MTHFD2: variants seen among roughly 807,000 people sequenced by gnomAD.
The protein encoded by MTHFD2 is bifunctional methylenetetrahydrofolate dehydrogenase/cyclohydrolase, mitochondrial.
A neutral mutation model predicts 36.8 loss-of-function variants in MTHFD2; 26 were observed. The ratio of observed to expected loss-of-function variants is 0.71; its 90% CI spans 0.52 to 0.98. The LOEUF (loss-of-function observed/expected upper bound fraction) is 0.98. Ranked by LOEUF, MTHFD2 falls within the 50% of genes least tolerant of loss-of-function variation. The pLI, the probability that MTHFD2 is intolerant of heterozygous loss-of-function variation, is 0.00. For synonymous variants in MTHFD2, 164 were observed against 155.2 expected (o/e 1.06, Z -0.42); for missense variants, 373 against 434.0 (o/e 0.86, Z 1.25).
chr2:74,209,355 G>A (rs1694254627), intron 4 of MTHFD2, among the ~76,000 whole-genome samples: 1 of 151,598 alleles, frequency 6.6e-6, no homozygotes, highest in Middle Eastern at 3.2e-3. Context: ...CCATTCTCCT[G>A]CCTCAGCCTC....
intron 1 of MTHFD2, among the ~76,000 whole-genome samples, chr2:74,200,150 T>C (rs1460324947): frequency 6.6e-6 from 1 of 152,214 alleles, no homozygotes; most frequent in Non-Finnish European, 1.5e-5. Context: ...TTCCCTGGTC[T>C]GACTCTTGAC....
chr2:74,214,106 CT>C lies in MTHFD2; in HGVS notation c.918del (p.Pro307GlnfsTer9). The stretch of plus-strand genomic sequence containing the variant: ...GTCAGACAAAAAGCTGGGTATATCA[CT>C]CCAGTTCCTGGAGGTGTTGGCCCCA... ...EGVRQKAGYI[T>X]PVPGGVGPMT... On this transcript the variant is annotated frameshift_variant, in exon 8 of 8. Coordinates refer to ENST00000394053, the MANE Select transcript of MTHFD2 (RefSeq NM_006636.4). LOFTEE classifies it high-confidence loss of function. The C allele has an allele frequency of 6.2e-7, 1 of 1,614,092 alleles. No individual in the cohort carries two copies. The highest frequency in any genetic ancestry group is 8.5e-7 in the Non-Finnish European group (1 of 1,179,956).
intron 5 of MTHFD2, among the ~76,000 whole-genome samples, 175 bp downstream of exon 5, chr2:74,210,224 T>C (rs542157106): frequency 1.3e-5 from 2 of 152,378 alleles, no homozygotes; most frequent in South Asian, 4.1e-4. Flanking sequence ...CAGTGTCACC[T>C]GAGTTTCTTT....
Position 74,214,249 on chromosome 2 carries a change from T to C in MTHFD2, c.*7T>C, listed in dbSNP as rs758490956. 2.5e-6 allele frequency: 4 copies of C among 1,612,954 alleles called. No homozygotes were observed. Among genetic ancestry groups the C allele is most frequent in the South Asian group, 2.2e-5 (2 of 90,918 alleles). On this transcript the variant is annotated 3_prime_UTR_variant, in exon 8 of 8. Transcript: ENST00000394053. Reference sequence around the variant, plus strand: ...TGGGGTAGCCACTAATTAACTACTGTGTCTTCTGTGTCACAAACAGCACTC... The same window carrying C: ...TGGGGTAGCCACTAATTAACTACTGCGTCTTCTGTGTCACAAACAGCACTC...
intron 7 of MTHFD2, among the ~76,000 whole-genome samples, chr2:74,213,359 CTCT>C: frequency 7.1e-6 from 1 of 140,370 alleles, no homozygotes; most frequent in South Asian, 2.2e-4. Flanking sequence ...TTACTGCAAC[CTCT>C]GCCTCCTGGG....
chr2:74,203,317 A>T (rs1694084635), intron 1 of MTHFD2, among the ~76,000 whole-genome samples: 1 of 152,210 alleles, frequency 6.6e-6, no homozygotes, highest in Non-Finnish European at 1.5e-5. Context: ...GATTATAATA[A>T]TTTAATACTT....
At chr2:74,209,041 T>G (rs1377115945) in intron 4 of MTHFD2, among the ~76,000 whole-genome samples, 3 of 149,144 alleles carry the variant, frequency 2.0e-5, no homozygotes, top group African/African-American at 7.4e-5. Flanking sequence ...GCCCAGCTAA[T>G]TTTTTTATTT....
Position 74,198,674 on chromosome 2 carries a change from T to G in MTHFD2, c.33T>G (p.Ala11=). Residue 11 remains alanine, a synonymous_variant, in exon 1 of 8, where the codon GCT becomes GCG. Transcript: ENST00000394053. ...CGACTTCTCTAATGTCTGCTTTGGC[T>G]GCCCGGCTGCTGCAGCCCGCGCACA... MAATSLMSAL[A]ARLLQPAHSC... The G allele has an allele frequency of 6.2e-7, 1 of 1,611,390 alleles. No homozygotes were observed. Among genetic ancestry groups the G allele is most frequent in the Non-Finnish European group, 8.5e-7 (1 of 1,179,058 alleles).
chr2:74,208,545 C>CAA, intron 3 of MTHFD2, 24 bp from the exon 4 acceptor site: 1 of 1,610,886 alleles, frequency 6.2e-7, no homozygotes, highest in Non-Finnish European at 8.5e-7. Context: ...TGATTTAAGG[C>CAA]AACTGTGCCA....
chr2:74,214,317 A>G lies in MTHFD2; in HGVS notation c.*75A>G. On this transcript the variant is annotated 3_prime_UTR_variant, in exon 8 of 8. Transcript: ENST00000394053. ...CAAAGCAGGCCAATAGAAATGCAAT[A>G]TTTTTAATTTATTCTACTGAAATGG... 3.4e-6 allele frequency: 5 copies of G among 1,482,814 alleles called. No individual in the cohort carries two copies. Among genetic ancestry groups the G allele is most frequent in the Non-Finnish European group, 4.6e-6 (5 of 1,093,912 alleles). The allele number at this position is 1,482,814 out of a possible 1,614,324, so 91.9% of individuals were successfully genotyped here. A position where few individuals can be genotyped will look rare whatever the true frequency, so the allele number is the denominator to read the frequency against.
At position 74,217,296 on chromosome 2, in the gene MTHFD2, T is replaced by C. The variant is rs534332940; in HGVS notation, c.*3054T>C. On this transcript the variant is annotated 3_prime_UTR_variant, in exon 8 of 8. Coordinates refer to ENST00000394053, the MANE Select transcript of MTHFD2 (RefSeq NM_006636.4). Reference sequence around the variant, plus strand: ...TGCACTGTGGCTGTCAGGGTCATAGTAGGCATTAAATCAACATGGTTGGTG... The same window carrying C: ...TGCACTGTGGCTGTCAGGGTCATAGCAGGCATTAAATCAACATGGTTGGTG... 1.3e-5 allele frequency: 2 copies of C among 152,324 alleles called. No individual in the cohort carries two copies. Among genetic ancestry groups the C allele is most frequent in the East Asian group, 1.9e-4 (1 of 5,188 alleles). 9.4% of individuals were successfully genotyped at this position (152,324 alleles called of 1,614,324 possible).
At position 74,215,850 on chromosome 2, in the gene MTHFD2, C is replaced by G. The variant is rs1306799654; in HGVS notation, c.*1608C>G. Reference sequence around the variant, plus strand: ...TCTCAAACTCCTGACCTCAAGTGATCCACCTGCCTCGGCCTCCCAAAATGC... The same window carrying G: ...TCTCAAACTCCTGACCTCAAGTGATGCACCTGCCTCGGCCTCCCAAAATGC... On this transcript the variant is annotated 3_prime_UTR_variant, in exon 8 of 8. Transcript: ENST00000394053. 6.6e-6 allele frequency: 1 copy of G among 152,402 alleles called. No individual in the cohort carries two copies. The highest frequency in any genetic ancestry group is 2.4e-5 in the African/African-American group (1 of 41,462). 9.4% of individuals were successfully genotyped at this position (152,402 alleles called of 1,614,324 possible). A position where few individuals can be genotyped will look rare whatever the true frequency, so the allele number is the denominator to read the frequency against.
At position 74,214,283 on chromosome 2, in the gene MTHFD2, C is replaced by T. The variant is rs1572992112; in HGVS notation, c.*41C>T. 6.3e-7 allele frequency: 1 copy of T among 1,585,290 alleles called. No individual in the cohort carries two copies. The highest frequency in any genetic ancestry group is 8.6e-7 in the Non-Finnish European group (1 of 1,165,264). On this transcript the variant is annotated 3_prime_UTR_variant, in exon 8 of 8. Coordinates refer to ENST00000394053, the MANE Select transcript of MTHFD2 (RefSeq NM_006636.4). The stretch of plus-strand genomic sequence containing the variant: ...TGTCACAAACAGCACTCCAGGCCAG[C>T]TCAAGAAGCAAAGCAGGCCAATAGA...
At chr2:74,205,988 C>A in intron 2 of MTHFD2, 99 bp downstream of exon 2, 2 of 1,280,076 alleles carry the variant, frequency 1.6e-6, no homozygotes, top group Non-Finnish European at 2.2e-6. Flanking sequence ...TTAGGAAACC[C>A]AAGCAGAGGA....
At chr2:74,207,059 G>T (rs920576412) in intron 2 of MTHFD2, among the ~76,000 whole-genome samples, 1 of 151,072 alleles carries the variant, frequency 6.6e-6, no homozygotes, top group South Asian at 2.1e-4. Context: ...TTGGGAGGTA[G>T]TGTGGTGCAG....
intron 7 of MTHFD2, among the ~76,000 whole-genome samples, chr2:74,213,509 T>C (rs540180264): frequency 1.3e-5 from 2 of 152,190 alleles, no homozygotes; most frequent in East Asian, 3.9e-4. Context: ...ACTCCTGGCC[T>C]CAAACAATCT....
chr2:74,202,433 G>A (rs867193482), intron 1 of MTHFD2, among the ~76,000 whole-genome samples: 3 of 152,086 alleles, frequency 2.0e-5, no homozygotes, highest in East Asian at 1.9e-4. Flanking sequence ...TTTGGCCTGC[G>A]GTGGGCATTC....
Position 74,205,669 on chromosome 2 carries a change from AG to A in MTHFD2, c.102-35del, listed in dbSNP as rs1230677993. On this transcript the variant is annotated intron_variant, in intron 1 of 7. Coordinates refer to ENST00000394053, the MANE Select transcript of MTHFD2 (RefSeq NM_006636.4). ...GAGTTTTAGTTTTTATAAAAATTCA[AG>A]TTATTTGGTTTTGTGACTCTGTTGC... 3.1e-6 allele frequency: 5 copies of A among 1,600,800 alleles called. No individual in the cohort carries two copies. In the South Asian group the frequency reaches 4.4e-5, roughly 14 times the overall value.
At position 74,209,820 on chromosome 2, in the gene MTHFD2, G is replaced by A. The variant is rs547034531; in HGVS notation, c.563-122G>A. On this transcript the variant is annotated intron_variant, in intron 4 of 7. Coordinates refer to ENST00000394053, the MANE Select transcript of MTHFD2 (RefSeq NM_006636.4). Reference sequence around the variant, plus strand: ...CCTGTTTTCTTTTAGCCCTTATTATGTGTAGCAAGTTACAGCTCCAGTTGA... The same window carrying A: ...CCTGTTTTCTTTTAGCCCTTATTATATGTAGCAAGTTACAGCTCCAGTTGA... 44 of 626,324 alleles carry A rather than the reference G, an allele frequency of 7.0e-5. No homozygotes were observed. The African/African-American group carries it at 7.8e-4, about 11-fold the overall frequency. The allele number at this position is 626,324 out of a possible 1,614,324, so 38.8% of individuals were successfully genotyped here. A position where few individuals can be genotyped will look rare whatever the true frequency, so the allele number is the denominator to read the frequency against.
Sources: gnomAD v4.1 joint callset for allele counts (sites outside exome capture counted in the v4.1 genomes callset) on GRCh38, gnomAD v4.1.1 for gene constraint, MANE v1.5 for transcripts, NCBI Gene and HGNC (gene_info 2026-07-23, HGNC 2026-07-21) for gene names.